The following SLF2 variants were observed in gnomAD, a reference collection of about 807,000 sequenced individuals.
SLF2 encodes SMC5-SMC6 complex localization factor protein 2.
A neutral mutation model predicts 124.3 loss-of-function variants in SLF2; 68 were observed. That is an observed-to-expected ratio of 0.55 (90% CI 0.45 to 0.67). The LOEUF (loss-of-function observed/expected upper bound fraction) is 0.67, where lower values mean the gene tolerates loss of function less well. Among genes scored for constraint, SLF2 ranks in the 30% least tolerant of loss-of-function variants. The pLI, the probability that SLF2 is intolerant of heterozygous loss-of-function variation, is 0.00. For missense variants in SLF2, 1,246 were observed against 1,373.7 expected (o/e 0.91, Z 1.47); for synonymous variants, 480 against 478.8 (o/e 1.00, Z -0.03).
intron 3 of SLF2, 111 bp downstream of exon 3, chr10:100,917,411 A>C: frequency 8.2e-7 from 1 of 1,221,644 alleles, no homozygotes; most frequent in Non-Finnish European, 1.1e-6. Context: ...TTCCTGAAGG[A>C]AATACTTATG....
intron 11 of SLF2, among the ~76,000 whole-genome samples, chr10:100,942,693 A>G (rs978168368): frequency 1.3e-5 from 2 of 151,754 alleles, no homozygotes; most frequent in Non-Finnish European, 1.5e-5. Context: ...TAATTTTTCT[A>G]TTTCTAGCAG....
Position 100,924,310 on chromosome 10 carries a change from C to T in SLF2, c.1309C>T (p.Gln437Ter). ...GGCAGGTACCAAGGAGACTAAGATG[C>T]AGAAACCCCACTTACCTTTATCTCA... ...QVAGTKETKM[Q>*]KPHLPLSQEK... Residue 437 changes from glutamine (Q) to a stop codon, truncating the protein, a stop_gained, in exon 5 of 20, where the codon CAG becomes TAG. Transcript: ENST00000238961. LOFTEE classifies it high-confidence loss of function. 2 of 1,614,044 alleles carry T rather than the reference C, an allele frequency of 1.2e-6. No homozygotes were observed. Among genetic ancestry groups the T allele is most frequent in the Non-Finnish European group, 8.5e-7 (1 of 1,180,006 alleles).
At chr10:100,944,322 C>T (rs960794298) in intron 12 of SLF2, among the ~76,000 whole-genome samples, 194 bp downstream of exon 12, 6 of 151,778 alleles carry the variant, frequency 4.0e-5, no homozygotes, top group Non-Finnish European at 5.9e-5. Context: ...GGTGAAAACC[C>T]GTCTCTACTA....
intron 1 of SLF2, among the ~76,000 whole-genome samples, chr10:100,914,996 T>G (rs1261267948): frequency 6.6e-6 from 1 of 152,212 alleles, no homozygotes; most frequent in Non-Finnish European, 1.5e-5. Flanking sequence ...GTTAATTTTT[T>G]GTTCAGCATA....
chr10:100,933,993 A>G (rs1007616538), intron 9 of SLF2, among the ~76,000 whole-genome samples: 1 of 152,202 alleles, frequency 6.6e-6, no homozygotes, highest in Non-Finnish European at 1.5e-5. Flanking sequence ...ATATTTTTAA[A>G]AAGAAGTTTC....
chr10:100,917,055 A>G lies in SLF2; in HGVS notation c.670A>G (p.Arg224Gly). Reference protein sequence around the residue: ...RSLSSRSSLSRHHPEESPLGA... With the variant: ...RSLSSRSSLSGHHPEESPLGA... Reference sequence around the variant, plus strand: ...CCTTAGCAGCAGGAGCAGCCTGTCCAGGCACCACCCGGAAGAAAGCCCACT... The same window carrying G: ...CCTTAGCAGCAGGAGCAGCCTGTCCGGGCACCACCCGGAAGAAAGCCCACT... The change falls in exon 3 of 20, where the codon AGG becomes GGG. Residue 224 changes from arginine (R) to glycine (G), a missense_variant. Physicochemically the swap from Arg to Gly is moderately radical, Grantham distance 125 (BLOSUM62 -2). This residue lies in a region of SLF2 where 698 missense variants were observed against 708.9 expected (regional missense o/e 0.98). Transcript: ENST00000238961. 1 of 1,614,242 alleles carries G rather than the reference A, an allele frequency of 6.2e-7. No individual in the cohort carries two copies. Among genetic ancestry groups the G allele is most frequent in the Non-Finnish European group, 8.5e-7 (1 of 1,180,044 alleles).
At position 100,947,797 on chromosome 10, in the gene SLF2, A is replaced by C. The variant is rs541519252; in HGVS notation, c.3070A>C (p.Lys1024Gln). 6.2e-7 allele frequency: 1 copy of C among 1,612,252 alleles called. No homozygotes were observed. Among genetic ancestry groups the C allele is most frequent in the South Asian group, 1.1e-5 (1 of 90,852 alleles). Residue 1024 changes from lysine to glutamine, a missense_variant, in exon 15 of 20, where the codon AAG becomes CAG. Around this residue, in one of 3 missense-constraint regions of SLF2, gnomAD observed 535 missense variants for 632.8 expected, o/e 0.85. Transcript: ENST00000238961. ...GTGCCTCAGTCTAGTGATTATTTCA[A>C]AGCTTTTGGATGAGAAACACGAAGA... ...RQCLSLVIISKLLDEKHEDVP... is the reference protein window; with the variant it reads ...RQCLSLVIISQLLDEKHEDVP...
At position 100,929,936 on chromosome 10, in the gene SLF2, A is replaced by G; in HGVS notation, c.2272A>G (p.Thr758Ala). 1 of 1,587,604 alleles carries G rather than the reference A, an allele frequency of 6.3e-7. No individual in the cohort carries two copies. The highest frequency in any genetic ancestry group is 8.6e-7 in the Non-Finnish European group (1 of 1,168,952). The change falls in exon 8 of 20, where the codon ACC becomes GCC. Residue 758 changes from threonine (T) to alanine (A), a missense_variant. Thr to Ala is a moderately conservative substitution (Grantham distance 58). Coordinates refer to ENST00000238961, the MANE Select transcript of SLF2 (RefSeq NM_018121.4). The part of the protein sequence containing the change: ...LNSGKIFNQY[T>A]LDLRDSGFIG... ...TTCTGGAAAAATTTTCAATCAGTAT[A>G]CCTTGGATTTAAGAGACTCTGGTTT...
intron 1 of SLF2, among the ~76,000 whole-genome samples, chr10:100,915,647 A>G (rs1849400111): frequency 6.6e-6 from 1 of 152,204 alleles, no homozygotes; most frequent in Admixed American, 6.5e-5. Context: ...AAGTAGGTTC[A>G]TATGCTGATA....
At chr10:100,929,146 TG>T (rs1849677709) in intron 6 of SLF2, among the ~76,000 whole-genome samples, 170 bp from the exon 7 acceptor site, 2 of 152,320 alleles carry the variant, frequency 1.3e-5, no homozygotes, top group South Asian at 4.1e-4. Context: ...TCATGAAAAT[TG>T]TACGTCGTGA....
intron 17 of SLF2, among the ~76,000 whole-genome samples, chr10:100,951,953 G>C (rs1850222472): frequency 1.3e-5 from 2 of 152,086 alleles, no homozygotes; most frequent in Non-Finnish European, 2.9e-5. Context: ...TTAAAACTTA[G>C]GTCGGACATG....
In SLF2 at chr10:100,950,081, A is replaced by T; in HGVS notation, c.3126A>T (p.Ser1042=). Residue 1042 remains serine (S), a synonymous_variant, in exon 16 of 20, where the codon TCA becomes TCT. Coordinates refer to ENST00000238961, the MANE Select transcript of SLF2 (RefSeq NM_018121.4). Reference sequence around the variant, plus strand: ...TCTCCTCTTTCTTTTGATAGGTATCAGTCCTACATCGCTATCTTGTGCAGA... The same window carrying T: ...TCTCCTCTTTCTTTTGATAGGTATCTGTCCTACATCGCTATCTTGTGCAGA... ...DVPNASNLQV[S]VLHRYLVQMK... The T allele has an allele frequency of 6.3e-7, 1 of 1,587,358 alleles. No homozygotes were observed. The highest frequency in any genetic ancestry group is 8.6e-7 in the Non-Finnish European group (1 of 1,167,198).
At chr10:100,951,345 C>G (rs1850210312) in intron 17 of SLF2, among the ~76,000 whole-genome samples, 1 of 152,186 alleles carries the variant, frequency 6.6e-6, no homozygotes, top group African/African-American at 2.4e-5. Context: ...TCATAAGATA[C>G]CAACATCACC....
chr10:100,941,315 C>T (rs1479248217), intron 11 of SLF2, among the ~76,000 whole-genome samples: 2 of 152,150 alleles, frequency 1.3e-5, no homozygotes, highest in Non-Finnish European at 2.9e-5. Context: ...GATACTAGTA[C>T]AATTCTTTTC....
chr10:100,954,535 C>T lies in SLF2; in HGVS notation c.3331-1916C>T, dbSNP rs202207737. ...CAGAAAGTGTTCATTTACGTTCTCA[C>T]CAAGTATATGTGAGAGAACTGCTTA... On this transcript the variant is annotated intron_variant, in intron 17 of 19. Coordinates refer to ENST00000238961, the MANE Select transcript of SLF2 (RefSeq NM_018121.4). 5.9e-5 allele frequency among the ~76,000 whole-genome samples: 9 copies of T among 152,182 alleles called. No homozygotes were observed. In the East Asian group the frequency reaches 1.5e-3, roughly 26 times the overall value.
chr10:100,919,611 G>A (rs1164630275), intron 4 of SLF2, among the ~76,000 whole-genome samples: 1 of 152,104 alleles, frequency 6.6e-6, no homozygotes, highest in Non-Finnish European at 1.5e-5. Context: ...GCAGAAGTTT[G>A]CAACAAGAAA....
intron 17 of SLF2, among the ~76,000 whole-genome samples, chr10:100,953,563 CTAATA>C (rs1850264727): frequency 6.6e-6 from 1 of 151,696 alleles, no homozygotes; most frequent in African/African-American, 2.4e-5. Flanking sequence ...TCACAATTTA[CTAATA>C]TATTACATAT....
chr10:100,933,371 C>G (rs532687248), intron 9 of SLF2, among the ~76,000 whole-genome samples: 1 of 152,334 alleles, frequency 6.6e-6, no homozygotes, highest in East Asian at 1.9e-4. Context: ...GTGTAAGACA[C>G]TGTCTCATTT....
intron 6 of SLF2, among the ~76,000 whole-genome samples, chr10:100,927,528 G>T (rs979701500): frequency 2.0e-5 from 3 of 152,148 alleles, no homozygotes; most frequent in Non-Finnish European, 4.4e-5. Context: ...TTTGGCTACT[G>T]TGAATAATGC....
Sources: allele counts gnomAD v4.1 joint callset (sites outside exome capture counted in the v4.1 genomes callset), GRCh38; gene constraint gnomAD v4.1.1; regional missense constraint gnomAD v4.1.1; transcripts MANE v1.5; gene names NCBI Gene and HGNC (gene_info 2026-07-23, HGNC 2026-07-21).